Variants in HERC3 observed in about 807,000 individuals in gnomAD.
HERC3 encodes the protein HECT and RLD domain containing E3 ubiquitin protein ligase 3, also known as probable E3 ubiquitin-protein ligase HERC3.
HERC3 carries 58 observed loss-of-function variants against 129.9 expected under a neutral mutation model. The ratio of observed to expected loss-of-function variants is 0.45; its 90% CI spans 0.36 to 0.56. The LOEUF (loss-of-function observed/expected upper bound fraction) is 0.56. HERC3 is among the 20% of genes least tolerant of loss of function. The pLI, the probability that HERC3 is intolerant of heterozygous loss-of-function variation, is 0.00. For missense variants in HERC3, 835 were observed against 1,244.2 expected (o/e 0.67, Z 4.95); for synonymous variants, 430 against 451.0 (o/e 0.95, Z 0.59).
chr4:88,604,613 A>C (rs553962280), intron 2 of HERC3, among the ~76,000 whole-genome samples: 1 of 152,334 alleles, frequency 6.6e-6, no homozygotes, highest in African/African-American at 2.4e-5. Context: ...TCCATATTGC[A>C]GCCAAATAAT....
the HERC3 span, among the ~76,000 whole-genome samples, chr4:88,544,674 G>T: frequency 2.0e-5 from 3 of 152,166 alleles, no homozygotes; most frequent in African/African-American, 7.2e-5. Flanking sequence ...CAACCCAATT[G>T]TCCATCAATG....
At chr4:88,591,635 C>T (rs1721715426), upstream of HERC3, among the ~76,000 whole-genome samples, 1 of 152,026 alleles carries the variant, frequency 6.6e-6, no homozygotes, top group Non-Finnish European at 1.5e-5. Context: ...AGGTTTTCTG[C>T]AAAAGATTAG....
At chr4:88,706,601 C>T in intron 25 of HERC3, 151 bp from the exon 26 acceptor site, 2 of 599,924 alleles carry the variant, frequency 3.3e-6, no homozygotes, top group Non-Finnish European at 3.0e-6. Flanking sequence ...ATCTAATTTT[C>T]ATTCCACAGG....
chr4:88,588,555 T>C (rs1721586470), upstream of HERC3, among the ~76,000 whole-genome samples: 1 of 152,224 alleles, frequency 6.6e-6, no homozygotes. Flanking sequence ...TTTTCCCTCC[T>C]AAAGATATTT....
chr4:88,531,296 T>C, the HERC3 span, among the ~76,000 whole-genome samples: 17 of 152,158 alleles, frequency 1.1e-4, no homozygotes, highest in Non-Finnish European at 2.4e-4. Context: ...CCCCTCAGCC[T>C]CCCAGAGTTC....
At chr4:88,548,864 T>C in the HERC3 span, among the ~76,000 whole-genome samples, 2 of 152,112 alleles carry the variant, frequency 1.3e-5, no homozygotes, top group Admixed American at 6.6e-5. Flanking sequence ...GGTTTCACCA[T>C]GTTAGCCAGG....
chr4:88,605,167 G>A (rs962994894), intron 2 of HERC3, among the ~76,000 whole-genome samples: 2 of 152,144 alleles, frequency 1.3e-5, no homozygotes, highest in Admixed American at 6.5e-5. Flanking sequence ...ATGTCAGAGG[G>A]ATGCAGGCTG....
the HERC3 span, among the ~76,000 whole-genome samples, chr4:88,526,099 C>T: frequency 6.6e-6 from 1 of 152,308 alleles, no homozygotes; most frequent in East Asian, 1.9e-4. Context: ...TAAAACAGCA[C>T]AGGGGCTAAC....
chr4:88,683,851 G>T (rs1361483202), intron 21 of HERC3, among the ~76,000 whole-genome samples: 1 of 152,188 alleles, frequency 6.6e-6, no homozygotes, highest in Non-Finnish European at 1.5e-5. Context: ...GGCTTTGAAT[G>T]CAGCCCAGCA....
chr4:88,531,299 C>T, the HERC3 span, among the ~76,000 whole-genome samples: 1 of 152,026 alleles, frequency 6.6e-6, no homozygotes, highest in Non-Finnish European at 1.5e-5. Flanking sequence ...CTCAGCCTCC[C>T]AGAGTTCTGG....
At chr4:88,688,912 A>G (rs1262767188) in intron 23 of HERC3, among the ~76,000 whole-genome samples, 1 of 152,022 alleles carries the variant, frequency 6.6e-6, no homozygotes, top group Non-Finnish European at 1.5e-5. Flanking sequence ...ATAGGCTAGC[A>G]TTGAAACTTC....
Position 88,651,507 on chromosome 4 carries a change from G to T in HERC3, c.387-505G>T, listed in dbSNP as rs114771975. Among the ~76,000 whole-genome samples, 543 of 152,302 alleles carry T rather than the reference G, an allele frequency of 3.6e-3. 4 individuals carry two copies. The highest frequency in any genetic ancestry group is 0.013 in the African/African-American group (525 of 41,560). ...AAAATTACTTACTATGTACCTTACA[G>T]GGTTATGGGGAGGATAGAAGGAGAC... On this transcript the variant is annotated intron_variant, in intron 4 of 25. Coordinates refer to ENST00000402738, the MANE Select transcript of HERC3 (RefSeq NM_014606.3).
intron 1 of HERC3, among the ~76,000 whole-genome samples, chr4:88,594,008 T>C (rs147114001): frequency 6.6e-6 from 1 of 152,228 alleles, no homozygotes. Flanking sequence ...GCTAGGAACT[T>C]TCTGTAAAAA....
chr4:88,542,553 T>C, the HERC3 span, among the ~76,000 whole-genome samples: 20 of 152,212 alleles, frequency 1.3e-4, no homozygotes, highest in African/African-American at 4.6e-4. Context: ...TTCCAATCAA[T>C]AGAAACAAAG....
chr4:88,685,434 T>C (rs1031297828), intron 21 of HERC3, among the ~76,000 whole-genome samples: 1 of 152,194 alleles, frequency 6.6e-6, no homozygotes, highest in Non-Finnish European at 1.5e-5. Context: ...TGAATGAGTT[T>C]ATGTCCTTTG....
chr4:88,642,150 A>G (rs1046903533), intron 3 of HERC3, among the ~76,000 whole-genome samples: 2 of 151,332 alleles, frequency 1.3e-5, no homozygotes, highest in African/African-American at 4.9e-5. Context: ...AAAAAAAAAA[A>G]AAGGAAGGAA....
chr4:88,596,051 G>A (rs1358163241), intron 2 of HERC3, among the ~76,000 whole-genome samples: 2 of 151,822 alleles, frequency 1.3e-5, no homozygotes, highest in Non-Finnish European at 2.9e-5. Context: ...GGGTTTCACT[G>A]TGTTAGCCAG....
At chr4:88,585,734 A>C in the HERC3 span, among the ~76,000 whole-genome samples, 1 of 152,162 alleles carries the variant, frequency 6.6e-6, no homozygotes, top group South Asian at 2.1e-4. Context: ...CCTAATCATA[A>C]ATTTTTAGGC....
intron 3 of HERC3, among the ~76,000 whole-genome samples, chr4:88,614,198 T>A (rs1335469915): frequency 6.6e-6 from 1 of 152,218 alleles, no homozygotes; most frequent in Non-Finnish European, 1.5e-5. Flanking sequence ...ATTTCTGATA[T>A]GCTTAGCATT....
Sources: gnomAD v4.1 joint callset for allele counts (sites outside exome capture counted in the v4.1 genomes callset) on GRCh38, gnomAD v4.1.1 for gene constraint, MANE v1.5 for transcripts, NCBI Gene and HGNC (gene_info 2026-07-23, HGNC 2026-07-21) for gene names.